VPS13B: variants seen among roughly 807,000 people sequenced by gnomAD.
VPS13B encodes intermembrane lipid transfer protein VPS13B.
In VPS13B, 285 loss-of-function variants were observed where a neutral mutation model predicts 426.4. The observed-to-expected ratio is 0.67, with a 90% confidence interval of 0.61 to 0.74. The LOEUF is 0.74. Ranked by LOEUF, VPS13B falls within the 30% of genes least tolerant of loss-of-function variation. The pLI is 0.00. For synonymous variants in VPS13B, 1,676 were observed against 1,676.4 expected, an observed-to-expected ratio of 1.00 and a Z score of 0.01; for missense variants, 4,537 against 4,782.6, an observed-to-expected ratio of 0.95 and a Z score of 1.51.
intron 42 of VPS13B, among the ~76,000 whole-genome samples, chr8:99,783,087 G>A (rs1281021100): frequency 2.6e-5 from 4 of 152,142 alleles, no homozygotes; most frequent in Admixed American, 2.6e-4. Context: ...ATTAGGAGTA[G>A]ATTCTGTTTC....
Position 99,425,549 on chromosome 8 carries a change from A to T in VPS13B, c.3083-5988A>T, listed in dbSNP as rs1464935133. On this transcript the variant is annotated intron_variant, in intron 21 of 61. Coordinates refer to ENST00000357162, the MANE Select transcript of VPS13B (RefSeq NM_152564.5). Reference sequence around the variant, plus strand: ...ACTAAAAACTCTCAATAAATTAGGTATTCATGGGATGTATCTCAAAATAAT... The same window carrying T: ...ACTAAAAACTCTCAATAAATTAGGTTTTCATGGGATGTATCTCAAAATAAT... Among the ~76,000 whole-genome samples, 3 of 152,340 alleles carry T rather than the reference A, an allele frequency of 2.0e-5. No individual in the cohort carries two copies. The East Asian group carries it at 5.8e-4, about 29-fold the overall frequency.
chr8:99,457,932 A>T (rs1039510320), intron 23 of VPS13B, among the ~76,000 whole-genome samples: 3 of 151,852 alleles, frequency 2.0e-5, no homozygotes, highest in Admixed American at 1.3e-4. Context: ...TTTTATATAT[A>T]TACTTTAAGT....
chr8:99,638,985 T>C (rs1829187599), intron 33 of VPS13B, among the ~76,000 whole-genome samples: 1 of 152,198 alleles, frequency 6.6e-6, no homozygotes, highest in Admixed American at 6.6e-5. Context: ...CTAACAGTTC[T>C]TCACCTGGTA....
intron 27 of VPS13B, among the ~76,000 whole-genome samples, chr8:99,503,606 G>A (rs1474765946): frequency 2.6e-5 from 4 of 152,108 alleles, no homozygotes; most frequent in South Asian, 4.2e-4. Flanking sequence ...AATGTTCCCA[G>A]CATCTTCCCC....
At chr8:99,402,012 A>G (rs1011687731) in intron 21 of VPS13B, among the ~76,000 whole-genome samples, 1 of 152,168 alleles carries the variant, frequency 6.6e-6, no homozygotes, top group Non-Finnish European at 1.5e-5. Context: ...TTTGTGCACC[A>G]CATATTTTGG....
At chr8:99,769,180 T>G (rs1361024258) in intron 40 of VPS13B, among the ~76,000 whole-genome samples, 1 of 152,224 alleles carries the variant, frequency 6.6e-6, no homozygotes, top group Non-Finnish European at 1.5e-5. Context: ...CAGGGATTTT[T>G]CACCTTACCT....
intron 3 of VPS13B, among the ~76,000 whole-genome samples, chr8:99,039,316 G>C (rs555267493): frequency 6.6e-6 from 1 of 151,972 alleles, no homozygotes; most frequent in Non-Finnish European, 1.5e-5. Flanking sequence ...TGAAGTTTTG[G>C]TATAAGAAAC....
chr8:99,693,861 A>C (rs1831811007), intron 35 of VPS13B, among the ~76,000 whole-genome samples: 1 of 149,716 alleles, frequency 6.7e-6, no homozygotes, highest in Non-Finnish European at 1.5e-5. Context: ...CAGGATACAA[A>C]ATGAATGTAC....
In VPS13B at chr8:99,501,735, A is replaced by C; in HGVS notation, c.3919A>C (p.Thr1307Pro). The C allele has an allele frequency of 6.2e-7, 1 of 1,614,072 alleles. No individual in the cohort carries two copies. Among genetic ancestry groups the C allele is most frequent in the Non-Finnish European group, 8.5e-7 (1 of 1,180,000 alleles). ...GGAATCACCATTCTCAGATTCTGTG[A>C]CCTTGGAACAAACTACAAGTAATAT... is the stretch of plus-strand genomic sequence containing the variant. Reference protein sequence around the residue: ...GEESPFSDSVTLEQTTSNIGG... With the variant: ...GEESPFSDSVPLEQTTSNIGG... The change falls in exon 26 of 62, where the codon ACC becomes CCC. Residue 1307 changes from threonine to proline, a missense_variant. By Grantham distance (38) the Thr-to-Pro change is conservative (BLOSUM62 -1). This residue lies in a region of VPS13B where 4,311 missense variants were observed against 4,474.3 expected (regional missense o/e 0.96). Transcript: ENST00000357162.
chr8:99,230,275 G>A lies in VPS13B; in HGVS notation c.2515+37218G>A, dbSNP rs138401079. ...ACTCTTCATGTGAATATCTTGAGTC[G>A]TTAAAGTTTAGTCCCTTACTCGATC... On this transcript the variant is annotated intron_variant, in intron 17 of 61. Coordinates refer to ENST00000357162, the MANE Select transcript of VPS13B (RefSeq NM_152564.5). Among the ~76,000 whole-genome samples the A allele has an allele frequency of 3.8e-3, 573 of 152,192 alleles. 3 individuals carry two copies. Among genetic ancestry groups the A allele is most frequent in the African/African-American group, 0.013 (538 of 41,526 alleles).
At chr8:99,713,386 T>G (rs959720960) in intron 36 of VPS13B, among the ~76,000 whole-genome samples, 2 of 152,176 alleles carry the variant, frequency 1.3e-5, no homozygotes, top group Non-Finnish European at 2.9e-5. Flanking sequence ...TTTGCTTTAA[T>G]TTTGACCACT....
intron 33 of VPS13B, among the ~76,000 whole-genome samples, chr8:99,619,040 A>G (rs532234740): frequency 6.6e-6 from 1 of 152,104 alleles, no homozygotes; most frequent in Non-Finnish European, 1.5e-5. Context: ...GTTCCTATGT[A>G]CATGTCTGCA....
intron 43 of VPS13B, among the ~76,000 whole-genome samples, chr8:99,796,428 G>A (rs1256508232): frequency 6.6e-6 from 1 of 151,902 alleles, no homozygotes; most frequent in African/African-American, 2.4e-5. Context: ...AAGAGAGTTA[G>A]GCACATTAAT....
intron 22 of VPS13B, among the ~76,000 whole-genome samples, chr8:99,433,585 T>C (rs1251803954): frequency 1.3e-5 from 2 of 152,176 alleles, no homozygotes; most frequent in African/African-American, 2.4e-5. Flanking sequence ...TTTTCTCTAA[T>C]AGAAATTTAC....
chr8:99,583,834 G>T (rs1277122972), intron 33 of VPS13B, among the ~76,000 whole-genome samples: 1 of 152,100 alleles, frequency 6.6e-6, no homozygotes, highest in East Asian at 1.9e-4. Flanking sequence ...ACTGAGACTG[G>T]CATGAAGGAG....
At chr8:99,120,872 G>A (rs1847899738) in intron 7 of VPS13B, among the ~76,000 whole-genome samples, 1 of 152,080 alleles carries the variant, frequency 6.6e-6, no homozygotes, top group Non-Finnish European at 1.5e-5. Flanking sequence ...ATTCATGAGC[G>A]ATGTTAAAGA....
chr8:99,216,155 A>G (rs1026309640), intron 17 of VPS13B, among the ~76,000 whole-genome samples: 1 of 152,188 alleles, frequency 6.6e-6, no homozygotes, highest in African/African-American at 2.4e-5. Flanking sequence ...AAAAATTTGA[A>G]TGCCTAATGG....
At chr8:99,479,428 G>A (rs1819920370) in intron 24 of VPS13B, among the ~76,000 whole-genome samples, 1 of 152,066 alleles carries the variant, frequency 6.6e-6, no homozygotes, top group African/African-American at 2.4e-5. Context: ...ACCTCACATG[G>A]TATTTATTTT....
intron 17 of VPS13B, among the ~76,000 whole-genome samples, chr8:99,259,752 G>A (rs1817947501): frequency 6.6e-6 from 1 of 151,990 alleles, no homozygotes; most frequent in African/African-American, 2.4e-5. Flanking sequence ...ATCCCTGAGT[G>A]TCTAGTAGTA....
Sources: allele counts gnomAD v4.1 joint callset (sites outside exome capture counted in the v4.1 genomes callset), GRCh38; gene constraint gnomAD v4.1.1; regional missense constraint gnomAD v4.1.1; transcripts MANE v1.5; gene names NCBI Gene and HGNC (gene_info 2026-07-23, HGNC 2026-07-21).